Variants in ANXA8 observed in about 807,000 individuals in gnomAD.
ANXA8 encodes the protein annexin A8.
A neutral mutation model predicts 26.8 loss-of-function variants in ANXA8; 9 were observed. The observed-to-expected ratio is 0.34, with a 90% confidence interval of 0.20 to 0.59. ANXA8 has a LOEUF of 0.59. ANXA8 is among the 20% of genes least tolerant of loss of function. The pLI, the probability that ANXA8 is intolerant of heterozygous loss-of-function variation, is 0.84. For synonymous variants in ANXA8, 39 were observed against 94.8 expected (o/e 0.41, Z 3.42); for missense variants, 83 against 238.5 (o/e 0.35, Z 4.29).
the ANXA8 span, among the ~76,000 whole-genome samples, chr10:47,776,598 C>T: frequency 1.6e-4 from 24 of 152,164 alleles, no homozygotes; most frequent in African/African-American, 5.1e-4. Flanking sequence ...TCCAGATTCC[C>T]AGATAAAGTA....
the ANXA8 span, among the ~76,000 whole-genome samples, chr10:47,522,432 C>A: frequency 6.6e-6 from 1 of 150,412 alleles, no homozygotes; most frequent in Non-Finnish European, 1.5e-5. Context: ...AACCATTTTT[C>A]TGCAGCCCCG....
the ANXA8 span, among the ~76,000 whole-genome samples, chr10:47,755,111 C>T: frequency 6.6e-6 from 1 of 150,890 alleles, no homozygotes; most frequent in African/African-American, 2.5e-5. Flanking sequence ...CGTGCACCAC[C>T]ACGCCTAGCT....
chr10:47,741,819 T>TA, the ANXA8 span, among the ~76,000 whole-genome samples: 2 of 147,712 alleles, frequency 1.4e-5, no homozygotes, highest in African/African-American at 5.0e-5. Context: ...AAAACGATTA[T>TA]AAAAAAAGAA....
the ANXA8 span, among the ~76,000 whole-genome samples, chr10:47,578,228 A>T: frequency 3.9e-5 from 2 of 51,704 alleles, 1 homozygote; most frequent in Non-Finnish European, 9.5e-5. Context: ...AGGCAGGAGA[A>T]TCACTTGAAC....
chr10:47,649,271 CTATT>C, the ANXA8 span, among the ~76,000 whole-genome samples: 3 of 151,444 alleles, frequency 2.0e-5, no homozygotes, highest in African/African-American at 4.9e-5. Flanking sequence ...TACATAAACC[CTATT>C]TATTTATCCG....
At chr10:47,650,611 C>T in the ANXA8 span, among the ~76,000 whole-genome samples, 1 of 145,674 alleles carries the variant, frequency 6.9e-6, no homozygotes, top group Non-Finnish European at 1.5e-5. Context: ...TCGAGACCAT[C>T]CTGGCTAACA....
the ANXA8 span, among the ~76,000 whole-genome samples, chr10:47,735,689 A>G: frequency 1.3e-5 from 2 of 151,568 alleles, no homozygotes; most frequent in East Asian, 3.9e-4. Flanking sequence ...ACCAGGTTGG[A>G]GTGCAGTGGT....
At chr10:47,685,806 G>A in the ANXA8 span, among the ~76,000 whole-genome samples, 1 of 148,948 alleles carries the variant, frequency 6.7e-6, no homozygotes, top group East Asian at 2.0e-4. Flanking sequence ...CAGTGGTGAA[G>A]CACTGTGAGT....
At chr10:47,474,911 G>A in intron 7 of ANXA8, 34 bp downstream of exon 7, 1 of 1,533,346 alleles carries the variant, frequency 6.5e-7, no homozygotes, top group African/African-American at 1.4e-5. Flanking sequence ...ATGGCAGGGG[G>A]TGGGGCCACA....
At chr10:47,521,755 A>G in the ANXA8 span, among the ~76,000 whole-genome samples, 7 of 151,174 alleles carry the variant, frequency 4.6e-5, no homozygotes, top group Non-Finnish European at 1.0e-4. Context: ...CTCTGCCAAC[A>G]GTGTAGAGAC....
chr10:47,579,702 T>A, the ANXA8 span, among the ~76,000 whole-genome samples: 2 of 67,292 alleles, frequency 3.0e-5, 1 homozygote, highest in Admixed American at 3.2e-4. Context: ...AGACACAAAT[T>A]TGTTGAAAGT....
At chr10:47,973,316 A>G in the ANXA8 span, 1 of 144,972 alleles carries the variant, frequency 6.9e-6, no homozygotes, top group Admixed American at 7.0e-5. Context: ...CTCAGGAATC[A>G]GCTTAGTTGA....
chr10:47,636,685 G>C, the ANXA8 span, among the ~76,000 whole-genome samples: 3 of 152,028 alleles, frequency 2.0e-5, no homozygotes, highest in Non-Finnish European at 4.4e-5. Context: ...TTCAGCCTTT[G>C]AGCAGGGTAC....
At chr10:47,584,770 T>C in the ANXA8 span, among the ~76,000 whole-genome samples, 1 of 119,350 alleles carries the variant, frequency 8.4e-6, no homozygotes, top group Non-Finnish European at 1.6e-5. Context: ...AGGAAAACAC[T>C]GTGTAGGAGA....
At chr10:47,493,726 T>G in the ANXA8 span, among the ~76,000 whole-genome samples, 1 of 150,732 alleles carries the variant, frequency 6.6e-6, no homozygotes, top group Non-Finnish European at 1.5e-5. Flanking sequence ...TGGGGACAAC[T>G]GCCCTTCCCC....
chr10:47,647,246 T>A, the ANXA8 span, among the ~76,000 whole-genome samples: 1,243 of 151,820 alleles, frequency 8.2e-3, 7 homozygotes, highest in Non-Finnish European at 0.014. Flanking sequence ...TTAATATGTA[T>A]ACATTTTATA....
At chr10:47,488,712 A>ATTTT (rs1840088979), upstream of ANXA8, among the ~76,000 whole-genome samples, 13 of 95,976 alleles carry the variant, frequency 1.4e-4, no homozygotes, top group East Asian at 4.6e-4. Flanking sequence ...TTACATGTTA[A>ATTTT]ATTTTTTTTT....
At chr10:47,507,798 C>T in the ANXA8 span, among the ~76,000 whole-genome samples, 21 of 107,148 alleles carry the variant, frequency 2.0e-4, 1 homozygote, top group South Asian at 3.5e-4. Context: ...TTAGAAGACG[C>T]GTTTCTGTTG....
At chr10:47,944,029 G>T in the ANXA8 span, among the ~76,000 whole-genome samples, 2 of 147,626 alleles carry the variant, frequency 1.4e-5, 1 homozygote, top group Non-Finnish European at 3.0e-5. Flanking sequence ...CACTTTCTTA[G>T]TTGGCTCGGG....
Sources: gnomAD v4.1 joint callset for allele counts (sites outside exome capture counted in the v4.1 genomes callset) on GRCh38, gnomAD v4.1.1 for gene constraint, MANE v1.5 for transcripts, NCBI Gene and HGNC (gene_info 2026-07-23, HGNC 2026-07-21) for gene names.